Variants in CAPN13 observed in about 807,000 individuals in gnomAD.
CAPN13 encodes the protein calpain-13.
CAPN13 carries 90 observed loss-of-function variants against 98.4 expected under a neutral mutation model. The observed-to-expected ratio is 0.92, with a 90% CI of 0.77 to 1.09. The LOEUF (loss-of-function observed/expected upper bound fraction) is 1.09. Ranked by LOEUF, CAPN13 falls within the 50% of genes least tolerant of loss-of-function variation. CAPN13 has a pLI of 0.00. For missense variants in CAPN13, 887 were observed against 841.3 expected (o/e 1.05, Z -0.67); for synonymous variants, 330 against 305.5 (o/e 1.08, Z -0.84).
At chr2:30,792,768 A>C (rs1266079551) in intron 1 of CAPN13, among the ~76,000 whole-genome samples, 1 of 152,016 alleles carries the variant, frequency 6.6e-6, no homozygotes, top group Non-Finnish European at 1.5e-5. Flanking sequence ...CCTGAAAAAA[A>C]ATTACAGAGC....
chr2:30,734,397 T>C (rs1671251183), intron 19 of CAPN13, 52 bp downstream of exon 19: 1 of 1,413,944 alleles, frequency 7.1e-7, no homozygotes, highest in Admixed American at 1.7e-5. Context: ...GGTGTGGGCA[T>C]CACCCCCCTC....
intron 7 of CAPN13, among the ~76,000 whole-genome samples, chr2:30,762,556 T>G (rs13415062): frequency 4.6e-5 from 7 of 152,082 alleles, no homozygotes; most frequent in African/African-American, 1.7e-4. Context: ...GGCTGGGAGA[T>G]GAGGGATCAG....
At chr2:30,726,143 G>A (rs2103477127) in intron 22 of CAPN13, among the ~76,000 whole-genome samples, 1 of 152,340 alleles carries the variant, frequency 6.6e-6, no homozygotes, top group South Asian at 2.1e-4. Context: ...CAACAAACAA[G>A]ACATACCCAG....
intron 2 of CAPN13, among the ~76,000 whole-genome samples, chr2:30,784,161 C>T (rs1412286899): frequency 6.6e-6 from 1 of 150,600 alleles, no homozygotes; most frequent in Non-Finnish European, 1.5e-5. Context: ...GCCTGGGCAA[C>T]AGAACAAGAC....
intron 2 of CAPN13, among the ~76,000 whole-genome samples, chr2:30,785,470 C>T (rs1246388059): frequency 6.6e-6 from 1 of 152,092 alleles, no homozygotes; most frequent in Non-Finnish European, 1.5e-5. Flanking sequence ...CCCCAGTCCC[C>T]CCAGTAGAGC....
chr2:30,741,490 G>A, intron 15 of CAPN13: 1 of 1,030,494 alleles, frequency 9.7e-7, no homozygotes, highest in Middle Eastern at 4.8e-4. Flanking sequence ...GCACATAGGT[G>A]GTTTGGCAGC....
chr2:30,740,666 G>T (rs1671607812), intron 15 of CAPN13, among the ~76,000 whole-genome samples: 1 of 152,218 alleles, frequency 6.6e-6, no homozygotes, highest in African/African-American at 2.4e-5. Flanking sequence ...TCCCACGAAG[G>T]CCCCCTATGG....
At chr2:30,806,421 A>AT (rs1353860257) in intron 1 of CAPN13, among the ~76,000 whole-genome samples, 2 of 151,898 alleles carry the variant, frequency 1.3e-5, no homozygotes, top group African/African-American at 4.8e-5. Flanking sequence ...CAACAACAAC[A>AT]ACAACAAAAA....
chr2:30,744,247 T>C (rs977311497), intron 12 of CAPN13, among the ~76,000 whole-genome samples: 3 of 152,208 alleles, frequency 2.0e-5, no homozygotes, highest in African/African-American at 7.2e-5. Context: ...CAGGAAATGA[T>C]TATTTATGAG....
At position 30,770,437 on chromosome 2, in the gene CAPN13, C is replaced by T; in HGVS notation, c.400G>A (p.Gly134Ser). The change falls in exon 5 of 23, where the codon GGC (glycine) becomes AGC (serine). Residue 134 changes from glycine to serine, a missense_variant. Coordinates refer to ENST00000295055, the MANE Select transcript of CAPN13 (RefSeq NM_144575.3). Reference sequence around the variant, plus strand: ...TCAATCACCACTTCCACCCACTGGCCACATTGCCAGAACTGGAAGAGAGCC... The same window carrying T: ...TCAATCACCACTTCCACCCACTGGCTACATTGCCAGAACTGGAAGAGAGCC... The part of the protein sequence containing the change: ...GIFRFRFWQC[G>S]QWVEVVIDDR... 1 of 1,613,884 alleles carries T rather than the reference C, an allele frequency of 6.2e-7. No homozygotes were observed. Among genetic ancestry groups the T allele is most frequent in the Non-Finnish European group, 8.5e-7 (1 of 1,179,806 alleles).
intron 22 of CAPN13, among the ~76,000 whole-genome samples, chr2:30,727,426 C>T (rs72867108): frequency 0.016 from 2,441 of 152,160 alleles, 60 homozygotes; most frequent in African/African-American, 0.055. Context: ...ATAAGGAATT[C>T]GTATCTACAA....
chr2:30,796,371 G>A (rs1022546554), intron 1 of CAPN13, among the ~76,000 whole-genome samples: 1 of 151,842 alleles, frequency 6.6e-6, no homozygotes, highest in Non-Finnish European at 1.5e-5. Context: ...ACGTAGCATA[G>A]TAAAGTAGAA....
At chr2:30,769,230 C>A (rs1276918182) in intron 5 of CAPN13, among the ~76,000 whole-genome samples, 2 of 152,138 alleles carry the variant, frequency 1.3e-5, no homozygotes, top group African/African-American at 2.4e-5. Flanking sequence ...CCCTTAGGGG[C>A]CCCCAGGAAT....
chr2:30,779,423 G>T (rs192028455), intron 2 of CAPN13, among the ~76,000 whole-genome samples: 1 of 152,326 alleles, frequency 6.6e-6, no homozygotes, highest in East Asian at 1.9e-4. Context: ...GGCAATGGCT[G>T]TCATTCATCA....
At chr2:30,724,809 C>T (rs552158594) in intron 22 of CAPN13, among the ~76,000 whole-genome samples, 1 of 152,276 alleles carries the variant, frequency 6.6e-6, no homozygotes, top group Admixed American at 6.5e-5. Flanking sequence ...TTCAACCGAA[C>T]ATCTAGCCAG....
chr2:30,764,519 G>T (rs1237442232), intron 5 of CAPN13, among the ~76,000 whole-genome samples: 1 of 152,126 alleles, frequency 6.6e-6, no homozygotes, highest in African/African-American at 2.4e-5. Flanking sequence ...TTCCTGCCCT[G>T]GTCCCCCAGG....
At chr2:30,736,905 G>A (rs1671394755) in intron 17 of CAPN13, among the ~76,000 whole-genome samples, 1 of 152,194 alleles carries the variant, frequency 6.6e-6, no homozygotes, top group African/African-American at 2.4e-5. Flanking sequence ...AGCACGAAGG[G>A]TCATGGCAAC....
In CAPN13 at chr2:30,738,417, T is replaced by A. The variant is rs1452162778; in HGVS notation, c.1577A>T (p.Asn526Ile). ...GCTCATACCTGTTAGAAGCTCCTGG[T>A]TGAGAAGGCCCTGAAGCTGGGTGGC... is the stretch of plus-strand genomic sequence containing the variant. ...IDATQLQGLLNQELLTGPPGD... is the reference protein window; with the variant it reads ...IDATQLQGLLIQELLTGPPGD... The change falls in exon 16 of 23, where the codon AAC becomes ATC. Residue 526 changes from asparagine (N) to isoleucine (I), a missense_variant. Coordinates refer to ENST00000295055, the MANE Select transcript of CAPN13 (RefSeq NM_144575.3). 1.2e-6 allele frequency: 2 copies of A among 1,608,650 alleles called. No individual in the cohort carries two copies. The highest frequency in any genetic ancestry group is 1.7e-6 in the Non-Finnish European group (2 of 1,177,320).
At chr2:30,770,677 G>C (rs1238357086) in intron 4 of CAPN13, among the ~76,000 whole-genome samples, 1 of 152,234 alleles carries the variant, frequency 6.6e-6, no homozygotes, top group Non-Finnish European at 1.5e-5. Flanking sequence ...ATATAGTCAG[G>C]GAAGAAGCAG....
Sources: gnomAD v4.1 joint callset for allele counts (sites outside exome capture counted in the v4.1 genomes callset) on GRCh38, gnomAD v4.1.1 for gene constraint, MANE v1.5 for transcripts, NCBI Gene and HGNC (gene_info 2026-07-23, HGNC 2026-07-21) for gene names.